The following GSK3B variants were observed in gnomAD, a reference collection of about 807,000 sequenced individuals.
The protein encoded by GSK3B is glycogen synthase kinase 3 beta.
A neutral mutation model predicts 56.4 loss-of-function variants in GSK3B; 15 were observed. The observed-to-expected ratio is 0.27, with a 90% CI of 0.18 to 0.41. The LOEUF (loss-of-function observed/expected upper bound fraction) is 0.41. Among genes scored for constraint, GSK3B ranks in the 10% least tolerant of loss-of-function variants. The pLI, the probability that GSK3B is intolerant of heterozygous loss-of-function variation, is 1.00. For synonymous variants in GSK3B, 181 were observed against 188.9 expected, an observed-to-expected ratio of 0.96 and a Z score of 0.34; for missense variants, 300 against 513.4, an observed-to-expected ratio of 0.58 and a Z score of 4.02.
intron 1 of GSK3B, among the ~76,000 whole-genome samples, chr3:120,049,979 G>A (rs968850469): frequency 5.9e-5 from 9 of 152,166 alleles, no homozygotes; most frequent in African/African-American, 2.2e-4. Flanking sequence ...TAAAGAAAAG[G>A]TTTATTCACC....
chr3:119,862,258 G>A (rs1218485556), intron 9 of GSK3B, among the ~76,000 whole-genome samples: 1 of 141,908 alleles, frequency 7.0e-6, no homozygotes, highest in African/African-American at 2.6e-5. Context: ...ATCATTCTCA[G>A]TAAACTATCG....
At chr3:120,062,162 TTAAC>T (rs1427577946) in intron 1 of GSK3B, among the ~76,000 whole-genome samples, 2 of 152,246 alleles carry the variant, frequency 1.3e-5, no homozygotes, top group Non-Finnish European at 2.9e-5. Flanking sequence ...TTTTGTTTCT[TTAAC>T]TATACTAAAC....
chr3:120,050,922 G>A (rs1201344675), intron 1 of GSK3B, among the ~76,000 whole-genome samples: 1 of 152,104 alleles, frequency 6.6e-6, no homozygotes, highest in African/African-American at 2.4e-5. Flanking sequence ...CACTTAAACG[G>A]GGTAGGTGGC....
At chr3:120,009,091 C>T (rs1015144584) in intron 1 of GSK3B, among the ~76,000 whole-genome samples, 1 of 152,152 alleles carries the variant, frequency 6.6e-6, no homozygotes, top group African/African-American at 2.4e-5. Flanking sequence ...AAATGCTCAT[C>T]GTCACTGGTT....
intron 9 of GSK3B, among the ~76,000 whole-genome samples, chr3:119,860,108 T>A (rs2056081181): frequency 6.6e-6 from 1 of 152,106 alleles, no homozygotes; most frequent in African/African-American, 2.4e-5. Context: ...AAAACTGAGA[T>A]TGGGGATGTG....
chr3:120,086,575 G>A (rs2058464818), intron 1 of GSK3B, among the ~76,000 whole-genome samples: 1 of 151,980 alleles, frequency 6.6e-6, no homozygotes, highest in African/African-American at 2.4e-5. Flanking sequence ...AGGCAGGATT[G>A]CTTGATTCCA....
chr3:119,924,784 C>T (rs2056874788), intron 3 of GSK3B, among the ~76,000 whole-genome samples: 1 of 152,190 alleles, frequency 6.6e-6, no homozygotes, highest in African/African-American at 2.4e-5. Context: ...TTTAATGGAA[C>T]AGAGCTATGC....
intron 7 of GSK3B, among the ~76,000 whole-genome samples, chr3:119,879,795 T>C (rs1023365178): frequency 2.0e-5 from 3 of 152,200 alleles, no homozygotes; most frequent in African/African-American, 4.8e-5. Flanking sequence ...ATCTATGTTG[T>C]TGCATATAAC....
chr3:119,846,199 G>C (rs1444971491), intron 9 of GSK3B, among the ~76,000 whole-genome samples: 1 of 152,100 alleles, frequency 6.6e-6, no homozygotes, highest in African/African-American at 2.4e-5. Context: ...AAAAACCCTA[G>C]AAGGAAACCT....
At chr3:120,045,938 A>G (rs182723891) in intron 1 of GSK3B, among the ~76,000 whole-genome samples, 232 of 152,354 alleles carry the variant, frequency 1.5e-3, no homozygotes, top group Middle Eastern at 3.4e-3. Flanking sequence ...AAAGACATAA[A>G]GGAATGTTAA....
chr3:119,855,457 G>C (rs1275101253), intron 9 of GSK3B, among the ~76,000 whole-genome samples: 2 of 152,194 alleles, frequency 1.3e-5, no homozygotes, highest in Non-Finnish European at 2.9e-5. Context: ...AATACCATTT[G>C]ACCCAGCCAT....
chr3:120,072,516 G>C (rs1219817207), intron 1 of GSK3B, among the ~76,000 whole-genome samples: 1 of 152,020 alleles, frequency 6.6e-6, no homozygotes, highest in Non-Finnish European at 1.5e-5. Flanking sequence ...GAACCTGAGA[G>C]GCAGAGGTTG....
chr3:119,970,613 TAAAA>T (rs1170925404), intron 2 of GSK3B, among the ~76,000 whole-genome samples: 3 of 114,284 alleles, frequency 2.6e-5, no homozygotes, highest in Non-Finnish European at 3.6e-5. Flanking sequence ...CTACTAAAAT[TAAAA>T]AAAAAAAAAA....
intron 8 of GSK3B, among the ~76,000 whole-genome samples, chr3:119,871,209 C>T (rs1164908019): frequency 1.3e-5 from 2 of 152,132 alleles, no homozygotes; most frequent in Non-Finnish European, 1.5e-5. Context: ...CCTTTGAAAG[C>T]TGAAATGACC....
At chr3:120,050,602 G>T (rs528223057) in intron 1 of GSK3B, among the ~76,000 whole-genome samples, 34 of 152,316 alleles carry the variant, frequency 2.2e-4, no homozygotes, top group African/African-American at 7.5e-4. Context: ...GAAGCCAGGG[G>T]CGTCTATGGA....
chr3:119,882,567 T>C (rs189557743), intron 7 of GSK3B, among the ~76,000 whole-genome samples: 59 of 152,302 alleles, frequency 3.9e-4, no homozygotes, highest in Admixed American at 1.6e-3. Context: ...CAGGTATCAG[T>C]ACACATCAGC....
At chr3:119,998,517 C>T (rs74686642) in intron 2 of GSK3B, among the ~76,000 whole-genome samples, 3,942 of 152,232 alleles carry the variant, frequency 0.026, 172 homozygotes, top group African/African-American at 0.089. Context: ...GAATTTCCAA[C>T]GCACAGAAGC....
chr3:119,968,281 C>T (rs921409709), intron 2 of GSK3B, among the ~76,000 whole-genome samples: 1 of 152,146 alleles, frequency 6.6e-6, no homozygotes, highest in Non-Finnish European at 1.5e-5. Flanking sequence ...TGTGAGCCAC[C>T]ACACCCAGCC....
intron 1 of GSK3B, among the ~76,000 whole-genome samples, chr3:120,025,039 G>A (rs773895489): frequency 3.3e-5 from 5 of 152,138 alleles, no homozygotes; most frequent in Admixed American, 6.5e-5. Flanking sequence ...GTCAGGAGAT[G>A]GGGAGTGACT....
Sources: allele counts gnomAD v4.1 joint callset (sites outside exome capture counted in the v4.1 genomes callset), GRCh38; gene constraint gnomAD v4.1.1; transcripts MANE v1.5; gene names NCBI Gene and HGNC (gene_info 2026-07-23, HGNC 2026-07-21).